The following GRIK2 variants were observed in gnomAD, a reference collection of about 807,000 sequenced individuals.
GRIK2 encodes the protein glutamate ionotropic receptor kainate type subunit 2.
Under a neutral mutation model 100.3 loss-of-function variants are expected in GRIK2, and 32 were observed. The ratio of observed to expected loss-of-function variants is 0.32; its 90% CI spans 0.24 to 0.43. GRIK2 has a LOEUF of 0.43. GRIK2 is among the 20% of genes least tolerant of loss of function. GRIK2 has a pLI of 1.00. For missense variants in GRIK2, 843 were observed against 1,114.9 expected, an observed-to-expected ratio of 0.76 and a Z score of 3.47; for synonymous variants, 417 against 389.4, an observed-to-expected ratio of 1.07 and a Z score of -0.83.
intron 2 of GRIK2, among the ~76,000 whole-genome samples, chr6:101,447,550 T>G (rs911622714): frequency 6.6e-6 from 1 of 151,734 alleles, no homozygotes; most frequent in African/African-American, 2.4e-5. Context: ...TTATGACATA[T>G]GTAGAAATGT....
chr6:101,565,382 A>G (rs1353571228), intron 2 of GRIK2, among the ~76,000 whole-genome samples: 1 of 152,096 alleles, frequency 6.6e-6, no homozygotes, highest in Non-Finnish European at 1.5e-5. Context: ...TCAGCACAAT[A>G]TATTTATTTT....
chr6:101,622,173 T>G, intron 3 of GRIK2, 57 bp downstream of exon 3: 2 of 1,033,094 alleles, frequency 1.9e-6, no homozygotes, highest in East Asian at 2.4e-5. Context: ...CTAGGTATTC[T>G]TAAGAGATTT....
intron 2 of GRIK2, among the ~76,000 whole-genome samples, chr6:101,490,454 C>T (rs867212722): frequency 6.8e-6 from 1 of 146,420 alleles, no homozygotes; most frequent in Non-Finnish European, 1.5e-5. Context: ...GGGTATAGTG[C>T]AGGCATGAAT....
chr6:101,899,096 G>GTTTTTTTTTTTTTTTT (rs1372120727), intron 12 of GRIK2, among the ~76,000 whole-genome samples: 2 of 133,068 alleles, frequency 1.5e-5, no homozygotes, highest in Non-Finnish European at 1.6e-5. Flanking sequence ...TCTTTTTGTT[G>GTTTTTTTTTTTTTTTT]TTTTTGTTTT....
intron 4 of GRIK2, among the ~76,000 whole-genome samples, chr6:101,635,571 C>A (rs1486261299): frequency 6.6e-6 from 1 of 151,984 alleles, no homozygotes. Context: ...AACAGGCAAC[C>A]TAGAGAATGG....
intron 2 of GRIK2, among the ~76,000 whole-genome samples, chr6:101,462,181 T>G (rs986267063): frequency 6.6e-6 from 1 of 152,196 alleles, no homozygotes; most frequent in Non-Finnish European, 1.5e-5. Flanking sequence ...GTATAAGAGT[T>G]ATATATGATT....
intron 2 of GRIK2, among the ~76,000 whole-genome samples, chr6:101,517,507 C>T (rs1472331940): frequency 6.8e-6 from 1 of 146,968 alleles, no homozygotes. Flanking sequence ...AGAAGAAGAA[C>T]ATTTGAGATA....
intron 14 of GRIK2, among the ~76,000 whole-genome samples, chr6:101,957,761 C>T (rs2128481267): frequency 6.6e-6 from 1 of 152,072 alleles, no homozygotes; most frequent in East Asian, 1.9e-4. Flanking sequence ...TCCAGTTTTC[C>T]CAGCACCATT....
At chr6:101,955,980 G>A (rs1791912825) in intron 14 of GRIK2, among the ~76,000 whole-genome samples, 1 of 151,764 alleles carries the variant, frequency 6.6e-6, no homozygotes, top group African/African-American at 2.4e-5. Flanking sequence ...TTATGTTGAA[G>A]GTTAGGTCAT....
At chr6:101,641,991 T>C (rs1781295171) in intron 4 of GRIK2, among the ~76,000 whole-genome samples, 1 of 151,978 alleles carries the variant, frequency 6.6e-6, no homozygotes, top group Admixed American at 6.6e-5. Context: ...GTTTAATTTA[T>C]TGTTGTAACT....
chr6:101,849,066 A>G (rs1038651611), intron 10 of GRIK2, among the ~76,000 whole-genome samples: 15 of 150,990 alleles, frequency 9.9e-5, no homozygotes, highest in Admixed American at 2.0e-4. Flanking sequence ...ATAATATTAA[A>G]CAGGGTTGAA....
rs887154272 is a variant in GRIK2, at chr6:101,592,615, A to ATATATATATATATATATATATG, written c.116-29325_116-29324insATATATATATATGTATATATAT. 9.9e-4 allele frequency among the ~76,000 whole-genome samples: 126 copies of ATATATATATATATATATATATG among 127,756 alleles called. 2 individuals are homozygous for ATATATATATATATATATATATG. Among genetic ancestry groups the ATATATATATATATATATATATG allele is most frequent in the African/African-American group, 4.1e-3 (123 of 30,242 alleles). The allele number at this position is 127,756 out of a possible 152,430, so 83.8% of individuals were successfully genotyped here. On this transcript the variant is annotated intron_variant, in intron 2 of 16. Transcript: ENST00000369134. ...TATATATATATATATATATATATAT[A>ATATATATATATATATATATATG]TATATATATTGCTTTTTCACAGACA... is the stretch of plus-strand genomic sequence containing the variant.
intron 2 of GRIK2, among the ~76,000 whole-genome samples, chr6:101,437,917 G>A (rs1040612100): frequency 6.6e-6 from 1 of 152,034 alleles, no homozygotes; most frequent in Non-Finnish European, 1.5e-5. Context: ...ATTGTGAGAG[G>A]CAAAAACAAA....
chr6:101,424,582 T>C (rs1482135979), intron 2 of GRIK2, among the ~76,000 whole-genome samples: 1 of 150,792 alleles, frequency 6.6e-6, no homozygotes, highest in South Asian at 2.1e-4. Flanking sequence ...AAATTATTAT[T>C]ATTCTTTAAG....
At chr6:101,508,606 G>C (rs187475264) in intron 2 of GRIK2, among the ~76,000 whole-genome samples, 1 of 152,204 alleles carries the variant, frequency 6.6e-6, no homozygotes, top group Admixed American at 6.5e-5. Context: ...TAAGGCAAAT[G>C]CATCAATTCC....
At chr6:101,696,670 G>A (rs1479511818) in intron 7 of GRIK2, among the ~76,000 whole-genome samples, 1 of 151,638 alleles carries the variant, frequency 6.6e-6, no homozygotes, top group Non-Finnish European at 1.5e-5. Context: ...TTTTACTGCT[G>A]TTTCTGCCTT....
At chr6:101,944,162 G>A (rs1427404812) in intron 14 of GRIK2, among the ~76,000 whole-genome samples, 1 of 152,072 alleles carries the variant, frequency 6.6e-6, no homozygotes, top group Non-Finnish European at 1.5e-5. Context: ...GGCATGTCTT[G>A]CTTCCCCTTC....
At chr6:101,496,804 G>C (rs1773471181) in intron 2 of GRIK2, among the ~76,000 whole-genome samples, 1 of 152,094 alleles carries the variant, frequency 6.6e-6, no homozygotes, top group Non-Finnish European at 1.5e-5. Flanking sequence ...TTATGTTTCA[G>C]ACCCAAATAT....
chr6:101,400,312 C>A (rs1267853462), intron 2 of GRIK2, among the ~76,000 whole-genome samples: 3 of 152,272 alleles, frequency 2.0e-5, no homozygotes, highest in East Asian at 1.9e-4. Context: ...CCAGTGGAAA[C>A]CCTGGTCAGA....
Sources: gnomAD v4.1 joint callset for allele counts (sites outside exome capture counted in the v4.1 genomes callset) on GRCh38, gnomAD v4.1.1 for gene constraint, MANE v1.5 for transcripts, NCBI Gene and HGNC (gene_info 2026-07-23, HGNC 2026-07-21) for gene names.